GABRG3: variants seen among roughly 807,000 people sequenced by gnomAD.
GABRG3 encodes gamma-aminobutyric acid receptor subunit gamma-3.
Under a neutral mutation model 48.8 loss-of-function variants are expected in GABRG3, and 25 were observed. The observed-to-expected ratio is 0.51, with a 90% CI of 0.37 to 0.72. GABRG3 has a LOEUF of 0.72. Ranked by LOEUF, GABRG3 falls within the 30% of genes least tolerant of loss-of-function variation. The pLI is 0.00. For missense variants in GABRG3, 394 were observed against 577.9 expected, an observed-to-expected ratio of 0.68 and a Z score of 3.26; for synonymous variants, 227 against 217.6, an observed-to-expected ratio of 1.04 and a Z score of -0.38.
At chr15:26,977,647 TC>T (rs1246628308) in intron 2 of GABRG3, among the ~76,000 whole-genome samples, 1 of 152,368 alleles carries the variant, frequency 6.6e-6, no homozygotes, top group Non-Finnish European at 1.5e-5. Context: ...GTTACATGTG[TC>T]AGTAGTTTGT....
At chr15:27,038,759 T>C (rs1425660389) in intron 3 of GABRG3, among the ~76,000 whole-genome samples, 1 of 151,642 alleles carries the variant, frequency 6.6e-6, no homozygotes, top group Non-Finnish European at 1.5e-5. Context: ...AGGCAGAGGG[T>C]AGGGGGCAAG....
At chr15:27,087,431 G>A (rs568620104) in intron 3 of GABRG3, among the ~76,000 whole-genome samples, 1 of 152,350 alleles carries the variant, frequency 6.6e-6, no homozygotes, top group Non-Finnish European at 1.5e-5. Context: ...TGGCAGCACA[G>A]TGGTTCACAG....
chr15:27,309,034 G>A (rs1595666379), intron 3 of GABRG3, among the ~76,000 whole-genome samples: 1 of 148,714 alleles, frequency 6.7e-6, no homozygotes, highest in East Asian at 2.0e-4. Context: ...GAAACATAAT[G>A]TAAACATATG....
At chr15:27,020,418 C>A (rs1315782855) in intron 2 of GABRG3, among the ~76,000 whole-genome samples, 2 of 152,150 alleles carry the variant, frequency 1.3e-5, no homozygotes, top group Non-Finnish European at 2.9e-5. Flanking sequence ...TGTTTTCTAT[C>A]TCTTTGTTTT....
At chr15:27,111,923 T>A (rs1284850842) in intron 3 of GABRG3, among the ~76,000 whole-genome samples, 1 of 150,686 alleles carries the variant, frequency 6.6e-6, no homozygotes. Context: ...AGTAGGCCTT[T>A]TCATGGAGAA....
chr15:27,094,808 A>G, intron 3 of GABRG3, among the ~76,000 whole-genome samples: 1 of 152,368 alleles, frequency 6.6e-6, no homozygotes, highest in Admixed American at 6.5e-5. Context: ...GTTAAAATTT[A>G]AAAATATAGC....
chr15:27,200,602 T>C (rs12148908), intron 3 of GABRG3, among the ~76,000 whole-genome samples: 40,268 of 152,022 alleles, frequency 0.26, 6,034 homozygotes, highest in South Asian at 0.46. Context: ...TTTCACCTCT[T>C]AGAGGAGCAA....
At chr15:27,253,116 C>G (rs560969116) in intron 3 of GABRG3, among the ~76,000 whole-genome samples, 1 of 152,322 alleles carries the variant, frequency 6.6e-6, no homozygotes, top group African/African-American at 2.4e-5. Flanking sequence ...CTGGGTGTCA[C>G]TCATGTAGTC....
At chr15:27,284,457 A>G (rs1303183903) in intron 3 of GABRG3, among the ~76,000 whole-genome samples, 1 of 152,240 alleles carries the variant, frequency 6.6e-6, no homozygotes, top group East Asian at 1.9e-4. Flanking sequence ...CTATATACGT[A>G]AGAATACCAC....
At chr15:27,139,265 T>TG (rs957461673) in intron 3 of GABRG3, among the ~76,000 whole-genome samples, 1 of 152,040 alleles carries the variant, frequency 6.6e-6, no homozygotes, top group African/African-American at 2.4e-5. Context: ...GCGGCTGGTT[T>TG]GGGGGGTGCA....
At chr15:27,491,608 A>G (rs998123353) in intron 6 of GABRG3, among the ~76,000 whole-genome samples, 4 of 152,202 alleles carry the variant, frequency 2.6e-5, no homozygotes, top group Non-Finnish European at 5.9e-5. Flanking sequence ...GATTGGCCGT[A>G]AGACCAGTAT....
chr15:27,491,105 G>T (rs1229956871), intron 6 of GABRG3, among the ~76,000 whole-genome samples: 1 of 152,174 alleles, frequency 6.6e-6, no homozygotes, highest in Non-Finnish European at 1.5e-5. Context: ...CCTTGGCAGG[G>T]GTGCTCTCAT....
intron 2 of GABRG3, among the ~76,000 whole-genome samples, chr15:27,016,153 T>A (rs542011466): frequency 1.3e-4 from 20 of 152,246 alleles, no homozygotes; most frequent in African/African-American, 4.3e-4. Context: ...TTTGAAGGAC[T>A]ACTTTCAGTA....
chr15:27,019,353 A>T (rs1304232372), intron 2 of GABRG3, among the ~76,000 whole-genome samples: 1 of 152,028 alleles, frequency 6.6e-6, no homozygotes, highest in African/African-American at 2.4e-5. Context: ...TACAGGCATG[A>T]GCCACCGCGC....
chr15:27,028,925 T>C (rs568085890), intron 3 of GABRG3, among the ~76,000 whole-genome samples: 1 of 151,924 alleles, frequency 6.6e-6, no homozygotes, highest in South Asian at 2.1e-4. Context: ...TCATGAACTC[T>C]GATCCTTCCC....
chr15:27,284,011 C>T (rs1825960025), intron 3 of GABRG3, among the ~76,000 whole-genome samples: 1 of 152,112 alleles, frequency 6.6e-6, no homozygotes, highest in African/African-American at 2.4e-5. Flanking sequence ...CTTCTTTGCC[C>T]AAAGAACTCA....
At chr15:27,015,383 A>ATTT (rs36045792) in intron 2 of GABRG3, among the ~76,000 whole-genome samples, 2 of 110,306 alleles carry the variant, frequency 1.8e-5, no homozygotes, top group Admixed American at 9.2e-5. Context: ...TTTGTGTTTG[A>ATTT]TTTTTTTTTT....
intron 3 of GABRG3, among the ~76,000 whole-genome samples, chr15:27,248,803 C>CACACACACACACACACACAGAGAGAG: frequency 9.1e-6 from 1 of 110,240 alleles, no homozygotes; most frequent in South Asian, 3.4e-4. Context: ...CACACACACA[C>CACACACACACACACACACAGAGAGAG]AGAGAGAGAG....
intron 3 of GABRG3, among the ~76,000 whole-genome samples, chr15:27,247,629 G>A (rs562388528): frequency 6.6e-6 from 1 of 152,154 alleles, no homozygotes; most frequent in Non-Finnish European, 1.5e-5. Flanking sequence ...CCGTTTTCAC[G>A]CTGCTGGTAA....
Sources: allele counts gnomAD v4.1 joint callset (sites outside exome capture counted in the v4.1 genomes callset), GRCh38; gene constraint gnomAD v4.1.1; transcripts MANE v1.5; gene names NCBI Gene and HGNC (gene_info 2026-07-23, HGNC 2026-07-21).